CAST: variants seen among roughly 807,000 people sequenced by gnomAD.
CAST encodes the protein calpastatin.
A neutral mutation model predicts 119.6 loss-of-function variants in CAST; 76 were observed. The ratio of observed to expected loss-of-function variants is 0.64; its 90% CI spans 0.53 to 0.77. The LOEUF (loss-of-function observed/expected upper bound fraction) is 0.77, where lower values mean the gene tolerates loss of function less well. Among genes scored for constraint, CAST ranks in the 30% least tolerant of loss-of-function variants. The pLI is 0.00. For synonymous variants in CAST, 319 were observed against 331.6 expected, an observed-to-expected ratio of 0.96 and a Z score of 0.41; for missense variants, 953 against 946.5, an observed-to-expected ratio of 1.01 and a Z score of -0.09.
At chr5:96,507,749 G>A in the CAST span, among the ~76,000 whole-genome samples, 1 of 152,050 alleles carries the variant, frequency 6.6e-6, no homozygotes, top group East Asian at 1.9e-4. Flanking sequence ...AGTGGGGTAG[G>A]CTTTCCAGTA....
the CAST span, among the ~76,000 whole-genome samples, chr5:96,489,027 A>T: frequency 2.0e-5 from 3 of 152,224 alleles, no homozygotes; most frequent in Non-Finnish European, 4.4e-5. Flanking sequence ...ACCAGATCTG[A>T]CCACTTTTGT....
chr5:96,223,776 G>C, the CAST span, among the ~76,000 whole-genome samples: 1 of 152,198 alleles, frequency 6.6e-6, no homozygotes, highest in Non-Finnish European at 1.5e-5. Context: ...TCTCTTGAGA[G>C]ATCGTCAATG....
the CAST span, among the ~76,000 whole-genome samples, chr5:96,278,010 G>A: frequency 6.6e-6 from 1 of 151,940 alleles, no homozygotes; most frequent in Admixed American, 6.6e-5. Context: ...TGGAGGGTGG[G>A]GAGTCTTAAT....
At chr5:96,534,795 AAGAAAG>A (rs1745768046) in intron 1 of CAST, among the ~76,000 whole-genome samples, 2 of 125,654 alleles carry the variant, frequency 1.6e-5, no homozygotes, top group Admixed American at 7.7e-5. Flanking sequence ...GAAAGAAAGA[AAGAAAG>A]AAGAAAGAAA....
chr5:96,141,781 TC>T, the CAST span, among the ~76,000 whole-genome samples: 1 of 152,196 alleles, frequency 6.6e-6, no homozygotes, highest in Admixed American at 6.5e-5. Context: ...TTGGATGAGC[TC>T]TGTTCTCTTA....
At chr5:96,230,956 G>A in the CAST span, among the ~76,000 whole-genome samples, 2 of 152,146 alleles carry the variant, frequency 1.3e-5, no homozygotes, top group East Asian at 1.9e-4. Context: ...CTTCACATTC[G>A]CTAGAATAGT....
At chr5:96,198,380 G>C in the CAST span, among the ~76,000 whole-genome samples, 2 of 151,994 alleles carry the variant, frequency 1.3e-5, no homozygotes, top group Admixed American at 1.3e-4. Context: ...TTCTGACTTA[G>C]GCTGTCTCAT....
intron 9 of CAST, among the ~76,000 whole-genome samples, chr5:96,734,786 G>C (rs1761289351): frequency 6.6e-6 from 1 of 152,162 alleles, no homozygotes; most frequent in Admixed American, 6.5e-5. Flanking sequence ...GATGTCAGAG[G>C]AACTGAGGAG....
chr5:96,045,846 A>C, the CAST span, among the ~76,000 whole-genome samples: 1 of 152,184 alleles, frequency 6.6e-6, no homozygotes, highest in Non-Finnish European at 1.5e-5. Flanking sequence ...AAAAAAATAT[A>C]GGTACAAAAA....
chr5:96,140,829 C>A, the CAST span, among the ~76,000 whole-genome samples: 2 of 152,070 alleles, frequency 1.3e-5, no homozygotes, highest in African/African-American at 4.8e-5. Context: ...GCATCATTAC[C>A]CCTATCAATT....
At chr5:96,069,291 T>C in the CAST span, among the ~76,000 whole-genome samples, 1 of 151,870 alleles carries the variant, frequency 6.6e-6, no homozygotes, top group Non-Finnish European at 1.5e-5. Context: ...ATTTTAAGAA[T>C]TTAAGATTTA....
the CAST span, among the ~76,000 whole-genome samples, chr5:96,301,257 A>G: frequency 6.6e-6 from 1 of 152,166 alleles, no homozygotes; most frequent in African/African-American, 2.4e-5. Context: ...TGAGAGCAGC[A>G]AGGGAAAAGT....
In CAST at chr5:96,565,981, T is replaced by A. The variant is rs147022502; in HGVS notation, c.60+36101T>A. On this transcript the variant is annotated intron_variant, in intron 1 of 11. Coordinates refer to the CAST transcript ENST00000505143. ...AGGTGGGAGCACAATTTATCCTAAC[T>A]GAAAATAGAGGCGGAGAATCATCAG... Among the ~76,000 whole-genome samples, 492 of 152,294 alleles carry A rather than the reference T, an allele frequency of 3.2e-3. 2 individuals are homozygous for A. The highest frequency in any genetic ancestry group is 0.01 in the Middle Eastern group (3 of 294).
chr5:96,751,087 G>A (rs998390071), intron 20 of CAST, among the ~76,000 whole-genome samples: 3 of 152,016 alleles, frequency 2.0e-5, no homozygotes, highest in Non-Finnish European at 4.4e-5. Context: ...CCCACTGCAG[G>A]AGGTGAAACT....
chr5:96,509,623 G>C, the CAST span, among the ~76,000 whole-genome samples: 6 of 152,160 alleles, frequency 3.9e-5, no homozygotes, highest in Non-Finnish European at 8.8e-5. Context: ...TTGGCTATGG[G>C]AACAGTCTGC....
the CAST span, among the ~76,000 whole-genome samples, chr5:96,257,340 C>G: frequency 6.6e-6 from 1 of 152,096 alleles, no homozygotes; most frequent in Non-Finnish European, 1.5e-5. Context: ...GGGTTCTGAT[C>G]AAATGCATTA....
intron 9 of CAST, among the ~76,000 whole-genome samples, 165 bp downstream of exon 9, chr5:96,731,025 C>G (rs1003657145): frequency 2.6e-5 from 4 of 152,104 alleles, no homozygotes; most frequent in African/African-American, 9.7e-5. Flanking sequence ...GAACAAGATA[C>G]CAAAAATAAT....
the CAST span, among the ~76,000 whole-genome samples, chr5:96,010,590 G>A: frequency 2.0e-5 from 3 of 152,160 alleles, no homozygotes; most frequent in Non-Finnish European, 4.4e-5. Context: ...GGGATTACAG[G>A]CATGAGCCAC....
intron 1 of CAST, among the ~76,000 whole-genome samples, chr5:96,572,991 G>A (rs895293156): frequency 1.3e-5 from 2 of 152,342 alleles, no homozygotes; most frequent in East Asian, 1.9e-4. Flanking sequence ...CAGGCAGGGA[G>A]TCCAGTGTTG....
Sources: allele counts gnomAD v4.1 joint callset (sites outside exome capture counted in the v4.1 genomes callset), GRCh38; gene constraint gnomAD v4.1.1; transcripts MANE v1.5; gene names NCBI Gene and HGNC (gene_info 2026-07-23, HGNC 2026-07-21).